The following KCNB2 variants were observed in gnomAD, a reference collection of about 807,000 sequenced individuals.
KCNB2 encodes delayed rectifier potassium channel protein.
In KCNB2, 15 loss-of-function variants were observed where a neutral mutation model predicts 61.5. That is an observed-to-expected ratio of 0.24 (90% confidence interval 0.16 to 0.38). The LOEUF (loss-of-function observed/expected upper bound fraction) is 0.38, where lower values mean the gene tolerates loss of function less well. Ranked by LOEUF, KCNB2 falls within the 10% of genes least tolerant of loss-of-function variation. The pLI is 1.00. For missense variants in KCNB2, 828 were observed against 1,125.2 expected (o/e 0.74, Z 3.78); for synonymous variants, 457 against 446.0 (o/e 1.02, Z -0.31).
chr8:72,674,758 A>G (rs964859342), intron 2 of KCNB2, among the ~76,000 whole-genome samples: 5 of 152,344 alleles, frequency 3.3e-5, no homozygotes, highest in Non-Finnish European at 7.3e-5. Flanking sequence ...AAGGGTAGAT[A>G]GAAAACTGCA....
chr8:72,743,402 C>T (rs1377184515), intron 2 of KCNB2, among the ~76,000 whole-genome samples: 4 of 152,108 alleles, frequency 2.6e-5, no homozygotes, highest in East Asian at 1.9e-4. Flanking sequence ...CCCTAGTATA[C>T]GTTGAGTGTG....
intron 2 of KCNB2, among the ~76,000 whole-genome samples, chr8:72,757,549 T>C (rs1808310513): frequency 6.6e-6 from 1 of 152,124 alleles, no homozygotes; most frequent in Non-Finnish European, 1.5e-5. Context: ...GGGTAATTGA[T>C]ACCTCAAGGA....
intron 2 of KCNB2, among the ~76,000 whole-genome samples, chr8:72,859,653 G>A (rs1367360865): frequency 6.9e-6 from 1 of 144,568 alleles, no homozygotes; most frequent in African/African-American, 2.6e-5. Context: ...CTTTCATGTA[G>A]CATAATGATT....
At chr8:72,775,613 A>G (rs1808636494) in intron 2 of KCNB2, among the ~76,000 whole-genome samples, 1 of 152,064 alleles carries the variant, frequency 6.6e-6, no homozygotes, top group South Asian at 2.1e-4. Flanking sequence ...TCCAATGGCA[A>G]CACCCCTCAG....
At chr8:72,785,833 T>C (rs1208652813) in intron 2 of KCNB2, among the ~76,000 whole-genome samples, 2 of 152,104 alleles carry the variant, frequency 1.3e-5, no homozygotes, top group African/African-American at 4.8e-5. Context: ...GTGCCTGCTG[T>C]GTATCAATCA....
At chr8:72,908,853 T>C (rs553704456) in intron 2 of KCNB2, among the ~76,000 whole-genome samples, 3 of 152,312 alleles carry the variant, frequency 2.0e-5, no homozygotes, top group Admixed American at 2.0e-4. Context: ...AGAAACTCCC[T>C]GACCCAGGGG....
Position 72,937,184 on chromosome 8 carries a change from C to T in KCNB2, c.1829C>T (p.Ala610Val). The T allele has an allele frequency of 6.2e-7, 1 of 1,614,042 alleles. No homozygotes were observed. Among genetic ancestry groups the T allele is most frequent in the Non-Finnish European group, 8.5e-7 (1 of 1,180,006 alleles). The change falls in exon 3 of 3, where the codon GCC becomes GTC. Residue 610 changes from alanine (A) to valine (V), a missense_variant. Ala to Val is a moderately conservative substitution (Grantham distance 64). Coordinates refer to ENST00000523207, the MANE Select transcript of KCNB2 (RefSeq NM_004770.3). ...AGCATCGACAGCTTCACCAGCTGTG[C>T]CACCGACTTCACAGAGACAGAGAGA... ...TSSIDSFTSCATDFTETERSP... is the reference protein window; with the variant it reads ...TSSIDSFTSCVTDFTETERSP...
chr8:72,826,922 A>G (rs2919407), intron 2 of KCNB2, among the ~76,000 whole-genome samples: 106,215 of 152,052 alleles, frequency 0.7, 37,319 homozygotes, highest in East Asian at 0.91. Context: ...GCATCTTTGT[A>G]TTGCTTTTGC....
chr8:72,874,556 G>A (rs1394627383), intron 2 of KCNB2, among the ~76,000 whole-genome samples: 1 of 152,236 alleles, frequency 6.6e-6, no homozygotes, highest in South Asian at 2.1e-4. Flanking sequence ...ACCAGCCAAA[G>A]CCTGGACAGG....
chr8:72,643,154 A>G (rs1315653662), intron 2 of KCNB2, among the ~76,000 whole-genome samples: 3 of 152,114 alleles, frequency 2.0e-5, no homozygotes, highest in African/African-American at 7.2e-5. Context: ...CTTTCCACAC[A>G]AAGCCAAAAC....
At chr8:72,702,292 C>A (rs1427861720) in intron 2 of KCNB2, among the ~76,000 whole-genome samples, 2 of 152,096 alleles carry the variant, frequency 1.3e-5, no homozygotes, top group African/African-American at 4.8e-5. Context: ...TCTTCCCTAC[C>A]CTCCGCTTGT....
At chr8:72,845,026 T>G (rs535519298) in intron 2 of KCNB2, among the ~76,000 whole-genome samples, 1 of 152,340 alleles carries the variant, frequency 6.6e-6, no homozygotes, top group South Asian at 2.1e-4. Flanking sequence ...GTGTTCTGTT[T>G]TTTGGGATTT....
At chr8:72,700,706 A>G (rs182592010) in intron 2 of KCNB2, among the ~76,000 whole-genome samples, 2 of 152,316 alleles carry the variant, frequency 1.3e-5, no homozygotes, top group African/African-American at 4.8e-5. Flanking sequence ...AAACAGAGCT[A>G]CCATTTGACC....
At chr8:72,819,985 C>T (rs376856306) in intron 2 of KCNB2, among the ~76,000 whole-genome samples, 3 of 152,104 alleles carry the variant, frequency 2.0e-5, no homozygotes, top group African/African-American at 7.2e-5. Flanking sequence ...TCCCAAAGCA[C>T]GGGTTACACA....
intron 2 of KCNB2, among the ~76,000 whole-genome samples, chr8:72,813,595 A>G (rs1272999637): frequency 2.6e-5 from 4 of 152,214 alleles, no homozygotes; most frequent in Non-Finnish European, 5.9e-5. Flanking sequence ...GATGCAATCA[A>G]TGAGTAGATT....
At chr8:72,782,224 C>T (rs188079673) in intron 2 of KCNB2, among the ~76,000 whole-genome samples, 1 of 152,232 alleles carries the variant, frequency 6.6e-6, no homozygotes, top group East Asian at 1.9e-4. Flanking sequence ...GATGTCTATT[C>T]CTCATATAGT....
chr8:72,651,059 G>GA (rs760772890), intron 2 of KCNB2, among the ~76,000 whole-genome samples: 10 of 152,212 alleles, frequency 6.6e-5, no homozygotes, highest in Middle Eastern at 3.4e-3. Flanking sequence ...GGTTGCATTG[G>GA]AAAAAATGTC....
intron 2 of KCNB2, among the ~76,000 whole-genome samples, chr8:72,853,105 T>C (rs952863161): frequency 3.9e-5 from 6 of 152,236 alleles, no homozygotes; most frequent in Admixed American, 3.9e-4. Flanking sequence ...TGTGTTATCT[T>C]GGACAGCCAC....
At chr8:72,745,671 TG>T (rs1203485925) in intron 2 of KCNB2, among the ~76,000 whole-genome samples, 1 of 152,122 alleles carries the variant, frequency 6.6e-6, no homozygotes, top group African/African-American at 2.4e-5. Context: ...GAGTTTTTAA[TG>T]GGGTTTTATT....
Sources: allele counts gnomAD v4.1 joint callset (sites outside exome capture counted in the v4.1 genomes callset), GRCh38; gene constraint gnomAD v4.1.1; transcripts MANE v1.5; gene names NCBI Gene and HGNC (gene_info 2026-07-23, HGNC 2026-07-21).